The following MAML2 variants were observed in gnomAD, a reference collection of about 807,000 sequenced individuals.
MAML2 encodes the protein mastermind-like protein 2.
In MAML2, 22 loss-of-function variants were observed where a neutral mutation model predicts 96.1. That is an observed-to-expected ratio of 0.23 (90% CI 0.16 to 0.33). MAML2 has a LOEUF of 0.33. MAML2 is among the 10% of genes least tolerant of loss of function. MAML2 has a pLI of 1.00. For missense variants in MAML2, 1,367 were observed against 1,392.4 expected (o/e 0.98, Z 0.29); for synonymous variants, 561 against 521.3 (o/e 1.08, Z -1.04).
chr11:96,041,716 C>T (rs1590977063), intron 2 of MAML2, among the ~76,000 whole-genome samples: 1 of 151,682 alleles, frequency 6.6e-6, no homozygotes, highest in Admixed American at 6.6e-5. Flanking sequence ...GCCAAACTAG[C>T]TGGAGTGAGT....
At chr11:96,016,734 G>C (rs1422484843) in intron 2 of MAML2, among the ~76,000 whole-genome samples, 1 of 152,058 alleles carries the variant, frequency 6.6e-6, no homozygotes, top group Non-Finnish European at 1.5e-5. Context: ...ATGGACTTTA[G>C]GGACATTAAA....
At chr11:96,125,755 C>T (rs937091553) in intron 1 of MAML2, among the ~76,000 whole-genome samples, 2 of 152,206 alleles carry the variant, frequency 1.3e-5, no homozygotes, top group African/African-American at 4.8e-5. Flanking sequence ...TAATCATCTC[C>T]TCTTCCCTTT....
At chr11:96,033,826 T>C (rs1245450245) in intron 2 of MAML2, among the ~76,000 whole-genome samples, 1 of 152,154 alleles carries the variant, frequency 6.6e-6, no homozygotes, top group African/African-American at 2.4e-5. Flanking sequence ...AAGGGAGATA[T>C]TCCATTTGGA....
chr11:96,240,152 C>A (rs1862413312), intron 1 of MAML2, among the ~76,000 whole-genome samples: 1 of 152,112 alleles, frequency 6.6e-6, no homozygotes, highest in South Asian at 2.1e-4. Flanking sequence ...GCTAAATCAC[C>A]ATTAAAATAA....
chr11:96,061,322 C>T (rs767310462), intron 2 of MAML2, among the ~76,000 whole-genome samples: 1 of 152,134 alleles, frequency 6.6e-6, no homozygotes, highest in Non-Finnish European at 1.5e-5. Context: ...GGTGCAATTT[C>T]AACAGTTGGG....
At chr11:95,988,785 C>T (rs916979071) in intron 3 of MAML2, among the ~76,000 whole-genome samples, 3 of 151,942 alleles carry the variant, frequency 2.0e-5, no homozygotes, top group African/African-American at 4.8e-5. Flanking sequence ...ACTGACATTC[C>T]TATTCTGTGC....
At chr11:96,337,629 G>T (rs978375219) in intron 1 of MAML2, among the ~76,000 whole-genome samples, 1 of 152,064 alleles carries the variant, frequency 6.6e-6, no homozygotes, top group South Asian at 2.1e-4. Context: ...TTAAGTATAC[G>T]GATACGTCAG....
At chr11:96,121,747 A>AT (rs1390241662) in intron 1 of MAML2, among the ~76,000 whole-genome samples, 6 of 142,046 alleles carry the variant, frequency 4.2e-5, no homozygotes, top group African/African-American at 1.6e-4. Flanking sequence ...AATGCCCTTA[A>AT]TTTTGTGTCC....
At chr11:96,080,629 A>G (rs1293191619) in intron 2 of MAML2, among the ~76,000 whole-genome samples, 1 of 152,224 alleles carries the variant, frequency 6.6e-6, no homozygotes, top group Non-Finnish European at 1.5e-5. Flanking sequence ...CCTACCACAC[A>G]GCATACCCCA....
At chr11:96,258,537 A>C (rs1054073237) in intron 1 of MAML2, among the ~76,000 whole-genome samples, 1 of 152,162 alleles carries the variant, frequency 6.6e-6, no homozygotes, top group Non-Finnish European at 1.5e-5. Context: ...GTGATTTGCA[A>C]TGGGCTTCTC....
In MAML2 at chr11:96,223,820, T is replaced by C. The variant is rs867703541; in HGVS notation, c.513+117563A>G. Among the ~76,000 whole-genome samples the C allele has an allele frequency of 9.8e-5, 15 of 152,314 alleles. No individual in the cohort carries two copies. In the East Asian group the frequency reaches 1.5e-3, roughly 16 times the overall value. On this transcript the variant is annotated intron_variant, in intron 1 of 4. Transcript: ENST00000524717. ...GATGATTAGTTTAGGTACAACACAATTGGGTTTTTTCCCAAGCTATGGAAT... is the reference window on the plus strand; with the variant it reads ...GATGATTAGTTTAGGTACAACACAACTGGGTTTTTTCCCAAGCTATGGAAT...
At chr11:96,023,676 T>G (rs925651455) in intron 2 of MAML2, among the ~76,000 whole-genome samples, 1 of 152,146 alleles carries the variant, frequency 6.6e-6, no homozygotes, top group Non-Finnish European at 1.5e-5. Flanking sequence ...CCTGGAAACA[T>G]GAGGGTGGCC....
At chr11:96,121,167 C>T (rs756051626) in intron 1 of MAML2, among the ~76,000 whole-genome samples, 1 of 152,186 alleles carries the variant, frequency 6.6e-6, no homozygotes, top group Non-Finnish European at 1.5e-5. Flanking sequence ...AGATCCCCTA[C>T]TCCGCACCAG....
chr11:96,167,925 G>A (rs1861218830), intron 1 of MAML2, among the ~76,000 whole-genome samples: 1 of 152,150 alleles, frequency 6.6e-6, no homozygotes, highest in African/African-American at 2.4e-5. Context: ...CAATTAACAA[G>A]CATATGTAAT....
intron 1 of MAML2, among the ~76,000 whole-genome samples, chr11:96,280,946 A>G (rs933837542): frequency 1.3e-5 from 2 of 152,238 alleles, no homozygotes; most frequent in East Asian, 3.8e-4. Context: ...GATACAAAGT[A>G]AGAACAATGT....
chr11:96,195,544 G>A (rs1470675934), intron 1 of MAML2, among the ~76,000 whole-genome samples: 5 of 152,162 alleles, frequency 3.3e-5, no homozygotes, highest in South Asian at 4.1e-4. Context: ...CCTTCTGGGT[G>A]TCTGTTTCAC....
At chr11:96,176,308 T>C (rs1204135589) in intron 1 of MAML2, among the ~76,000 whole-genome samples, 1 of 152,212 alleles carries the variant, frequency 6.6e-6, no homozygotes, top group Non-Finnish European at 1.5e-5. Flanking sequence ...AATGTTTAAC[T>C]CAGAAAACTG....
chr11:96,101,823 AT>A (rs1859936242), intron 1 of MAML2, among the ~76,000 whole-genome samples: 1 of 152,102 alleles, frequency 6.6e-6, no homozygotes, highest in South Asian at 2.1e-4. Flanking sequence ...ACAAAACCAG[AT>A]TTTTTTCTCC....
intron 1 of MAML2, among the ~76,000 whole-genome samples, chr11:96,171,299 G>A (rs1321175605): frequency 6.6e-6 from 1 of 152,120 alleles, no homozygotes; most frequent in South Asian, 2.1e-4. Context: ...TTGCATATGT[G>A]TTATACCTCC....
Sources: gnomAD v4.1 joint callset for allele counts (sites outside exome capture counted in the v4.1 genomes callset) on GRCh38, gnomAD v4.1.1 for gene constraint, MANE v1.5 for transcripts, NCBI Gene and HGNC (gene_info 2026-07-23, HGNC 2026-07-21) for gene names.